Variants in CCNF observed in about 807,000 individuals in gnomAD.
CCNF encodes the protein cyclin-F.
CCNF carries 30 observed loss-of-function variants against 85.4 expected under a neutral mutation model. That is an observed-to-expected ratio of 0.35 (90% CI 0.26 to 0.48). The LOEUF (loss-of-function observed/expected upper bound fraction) is 0.48. Among genes scored for constraint, CCNF ranks in the 20% least tolerant of loss-of-function variants. The pLI, the probability that CCNF is intolerant of heterozygous loss-of-function variation, is 0.99. For missense variants in CCNF, 919 were observed against 1,010.4 expected (o/e 0.91, Z 1.23); for synonymous variants, 439 against 425.1 (o/e 1.03, Z -0.40).
In CCNF at chr16:2,429,504, G is replaced by T; in HGVS notation, c.16+7G>T. The T allele has an allele frequency of 8.1e-7, 1 of 1,231,036 alleles. No individual in the cohort carries two copies. The highest frequency in any genetic ancestry group is 1.0e-6 in the Non-Finnish European group (1 of 986,702). 76.3% of individuals were successfully genotyped at this position (1,231,036 alleles called of 1,614,324 possible). A position where few individuals can be genotyped will look rare whatever the true frequency, so the allele number is the denominator to read the frequency against. On this transcript the variant is annotated splice_region_variant and intron_variant, in intron 1 of 16. Transcript: ENST00000397066. ...GCGATGGGGAGCGGCGGCGGTGAGT[G>T]CGGGGCGATGTCCGCTGGTTTCTGC... is the stretch of plus-strand genomic sequence containing the variant.
intron 4 of CCNF, 66 bp from the exon 5 acceptor site, chr16:2,437,063 A>G: frequency 7.3e-7 from 1 of 1,366,228 alleles, no homozygotes; most frequent in African/African-American, 1.4e-5. Context: ...CACCAAGACC[A>G]TGGAGAGCTT....
At position 2,455,582 on chromosome 16, in the gene CCNF, G is replaced by A. The variant is rs187422644; in HGVS notation, c.1885+18G>A. The A allele has an allele frequency of 2.3e-5, 36 of 1,581,350 alleles. No individual in the cohort carries two copies. The East Asian group carries it at 7.3e-4, about 32-fold the overall frequency. On this transcript the variant is annotated intron_variant, in intron 16 of 16. Transcript: ENST00000397066. ...GGGCGACGGTGAGTGTGGGGCCAGG[G>A]TGCACCAGAAGGGACATCACACAGA...
In CCNF at chr16:2,445,609, G is replaced by A; in HGVS notation, c.1081G>A (p.Val361Ile). ...RLQLLGIACMVICTRFISKEI... is the reference protein window; with the variant it reads ...RLQLLGIACMIICTRFISKEI... ...CCAGCTGCTGGGCATCGCCTGCATG[G>A]TCATCTGCACCCGGTGAGAAGCCCC... The change falls in exon 10 of 17, where the codon GTC becomes ATC. Residue 361 changes from valine to isoleucine, a missense_variant. Physicochemically the swap from Val to Ile is conservative, Grantham distance 29. This residue lies in a region of CCNF where 410 missense variants were observed against 478.6 expected (regional missense o/e 0.86). Transcript: ENST00000397066. 6.2e-7 allele frequency: 1 copy of A among 1,612,264 alleles called. No homozygotes were observed.
rs1373235716 is a variant in CCNF, at chr16:2,451,020, G to A, written c.1487+1105G>A. Among the ~76,000 whole-genome samples the A allele has an allele frequency of 6.6e-6, 1 of 152,104 alleles. No homozygotes were observed. The highest frequency in any genetic ancestry group is 1.9e-4 in the East Asian group (1 of 5,188). On this transcript the variant is annotated intron_variant, in intron 13 of 16. Coordinates refer to ENST00000397066, the MANE Select transcript of CCNF (RefSeq NM_001761.3). This position sits in a 1 kb window ranked among gnomAD's most constrained non-coding sequence, Gnocchi z 4.3. Reference sequence around the variant, plus strand: ...CACTGGGCTTCCCTCCACCTGCCCCGGCCCCTCCGCCCTTCTCTCTGGTGA... The same window carrying A: ...CACTGGGCTTCCCTCCACCTGCCCCAGCCCCTCCGCCCTTCTCTCTGGTGA...
At position 2,451,241 on chromosome 16, in the gene CCNF, C is replaced by T. The variant is rs974569912; in HGVS notation, c.1487+1326C>T. On this transcript the variant is annotated intron_variant, in intron 13 of 16. Transcript: ENST00000397066. The surrounding 1 kb of genome is among the most constrained non-coding windows in gnomAD (Gnocchi z 4.3). Reference sequence around the variant, plus strand: ...AGGCAGGCGCGCGGGGCAGGTGGCGCGGGCGGGGGCGACTCCCTTCAGGGA... The same window carrying T: ...AGGCAGGCGCGCGGGGCAGGTGGCGTGGGCGGGGGCGACTCCCTTCAGGGA... Among the ~76,000 whole-genome samples, 11 of 152,164 alleles carry T rather than the reference C, an allele frequency of 7.2e-5. No homozygotes were observed. Among genetic ancestry groups the T allele is most frequent in the Admixed American group, 2.0e-4 (3 of 15,282 alleles).
In CCNF at chr16:2,458,253, CTTT is replaced by C. The variant is rs562145171; in HGVS notation, c.*1249_*1251del. 67 of 130,342 alleles carry C rather than the reference CTTT, an allele frequency of 5.1e-4. No individual in the cohort carries two copies. Among genetic ancestry groups the C allele is most frequent in the African/African-American group, 1.3e-3 (45 of 35,174 alleles). 8.1% of individuals were successfully genotyped at this position (130,342 alleles called of 1,614,324 possible). A position where few individuals can be genotyped will look rare whatever the true frequency, so the allele number is the denominator to read the frequency against. ...CTTGGCCAGAAGTGTCCCCCAGATG[CTTT>C]TTTTTTTTTTTTTTTGGAGACAGTT... On this transcript the variant is annotated 3_prime_UTR_variant, in exon 17 of 17. Coordinates refer to ENST00000397066, the MANE Select transcript of CCNF (RefSeq NM_001761.3).
intron 8 of CCNF, 75 bp downstream of exon 8, chr16:2,439,901 C>T: frequency 7.8e-7 from 1 of 1,288,858 alleles, no homozygotes. Context: ...TATCTGGGCT[C>T]CCACATTGGG....
intron 8 of CCNF, among the ~76,000 whole-genome samples, chr16:2,442,951 T>C (rs1169178533): frequency 2.0e-5 from 2 of 101,416 alleles, no homozygotes; most frequent in Non-Finnish European, 3.5e-5. Flanking sequence ...TATTATTATA[T>C]TATATATTTT....
Position 2,453,363 on chromosome 16 carries a change from C to T in CCNF, c.1588-47C>T, listed in dbSNP as rs1458109726. 2.5e-6 allele frequency: 4 copies of T among 1,613,710 alleles called. No homozygotes were observed. The highest frequency in any genetic ancestry group is 3.3e-5 in the Admixed American group (2 of 60,016). ...CATGGGGTGCTGGGGTGTGGGCGGG[C>T]CTCACCCTCGGGGCCTCTGCACCCC... is the stretch of plus-strand genomic sequence containing the variant. On this transcript the variant is annotated intron_variant, in intron 14 of 16. Transcript: ENST00000397066. The surrounding 1 kb of genome is among the most constrained non-coding windows in gnomAD (Gnocchi z 5.6).
chr16:2,449,585 A>G, intron 12 of CCNF, 123 bp downstream of exon 12: 1 of 971,146 alleles, frequency 1.0e-6, no homozygotes, highest in Non-Finnish European at 1.5e-6. Flanking sequence ...GGTGAGATAC[A>G]GCACGGCTCC....
intron 2 of CCNF, among the ~76,000 whole-genome samples, chr16:2,431,532 T>G (rs1490496498): frequency 6.6e-6 from 1 of 151,434 alleles, no homozygotes; most frequent in Non-Finnish European, 1.5e-5. Flanking sequence ...ATACAAAAAT[T>G]AGCCGGGCGT....
chr16:2,456,813 G>C lies in CCNF; in HGVS notation c.2154G>C (p.Leu718Phe). ...CCACAAGCTCCGTGGACGGTGGCTT[G>C]GGGGCCCTGCCCCAACCTACCTCAG... is the stretch of plus-strand genomic sequence containing the variant. ...ASPTSSVDGGLGALPQPTSVL... is the reference protein window; with the variant it reads ...ASPTSSVDGGFGALPQPTSVL... Residue 718 changes from leucine (L) to phenylalanine (F), a missense_variant, in exon 17 of 17, where the codon TTG becomes TTC. Leu to Phe is a conservative substitution (Grantham distance 22). This residue lies in a region of CCNF where 505 missense variants were observed against 514.8 expected (regional missense o/e 0.98). Transcript: ENST00000397066. This position sits in a 1 kb window ranked among gnomAD's most constrained non-coding sequence, Gnocchi z 4.5. The C allele has an allele frequency of 6.2e-7, 1 of 1,613,782 alleles. No individual in the cohort carries two copies. Among genetic ancestry groups the C allele is most frequent in the South Asian group, 1.1e-5 (1 of 91,074 alleles).
intron 8 of CCNF, among the ~76,000 whole-genome samples, 155 bp from the exon 9 acceptor site, chr16:2,443,494 C>T (rs533431238): frequency 1.1e-4 from 17 of 152,222 alleles, no homozygotes; most frequent in African/African-American, 4.1e-4. Flanking sequence ...ATAATTAAAA[C>T]CTGAGCCATC....
At chr16:2,447,275 CTTTT>C (rs537679553) in intron 10 of CCNF, among the ~76,000 whole-genome samples, 3 of 141,586 alleles carry the variant, frequency 2.1e-5, no homozygotes, top group Non-Finnish European at 1.6e-5. Flanking sequence ...GCCTTATTAT[CTTTT>C]TTTTTTTTTT....
chr16:2,453,244 GTC>G lies in CCNF; in HGVS notation c.1528_1529del (p.Leu510AspfsTer8). The G allele has an allele frequency of 6.2e-7, 1 of 1,613,816 alleles. No individual in the cohort carries two copies. The highest frequency in any genetic ancestry group is 8.5e-7 in the Non-Finnish European group (1 of 1,180,020). On this transcript the variant is annotated frameshift_variant, in exon 14 of 17. Transcript: ENST00000397066. LOFTEE classifies it high-confidence loss of function. The surrounding 1 kb of genome is among the most constrained non-coding windows in gnomAD (Gnocchi z 5.6). ...TGACGCCCCCAAGGACTACAGGCAA[GTC>G]TCTCTGACCGCCGTGAAGCAGCGGT... ...HDDAPKDYRQ[V>X]SLTAVKQRFE...
chr16:2,448,792 C>T (rs976853395), intron 10 of CCNF, 63 bp from the exon 11 acceptor site: 25 of 1,534,870 alleles, frequency 1.6e-5, no homozygotes, highest in Non-Finnish European at 2.1e-5. Flanking sequence ...GCCTTGGGTC[C>T]CTCCGCCCCA....
intron 8 of CCNF, among the ~76,000 whole-genome samples, chr16:2,440,315 A>G (rs1023283920): frequency 1.2e-4 from 18 of 152,056 alleles, no homozygotes; most frequent in African/African-American, 2.7e-4. Flanking sequence ...CTCTCCCCTC[A>G]CAGCTATAAA....
chr16:2,438,044 C>A (rs1476727488), intron 5 of CCNF, 26 bp from the exon 6 acceptor site: 1 of 1,576,980 alleles, frequency 6.3e-7, no homozygotes, highest in African/African-American at 1.3e-5. Flanking sequence ...TGCTGGAAAT[C>A]ACACTTCTTT....
intron 13 of CCNF, among the ~76,000 whole-genome samples, chr16:2,450,727 C>T (rs1269972282): frequency 1.3e-5 from 2 of 152,206 alleles, no homozygotes; most frequent in East Asian, 1.9e-4. Context: ...GCTGCTTTTG[C>T]GAATGGGGTT....
Sources: allele counts gnomAD v4.1 joint callset (sites outside exome capture counted in the v4.1 genomes callset), GRCh38; gene constraint gnomAD v4.1.1; regional missense constraint gnomAD v4.1.1; non-coding constraint Gnocchi (gnomAD v3.1); transcripts MANE v1.5; gene names NCBI Gene and HGNC (gene_info 2026-07-23, HGNC 2026-07-21).